The following RASSF4 variants were observed in gnomAD, a reference collection of about 807,000 sequenced individuals.
The protein encoded by RASSF4 is Ras association domain family member 4, also known as ras association domain-containing protein 4.
Under a neutral mutation model 41.1 loss-of-function variants are expected in RASSF4, and 38 were observed. The observed-to-expected ratio is 0.92, with a 90% CI of 0.71 to 1.21. The LOEUF (loss-of-function observed/expected upper bound fraction) is 1.21, where lower values mean the gene tolerates loss of function less well. Among genes scored for constraint, RASSF4 ranks in the 50% most tolerant of loss-of-function variants. The pLI is 0.00. For synonymous variants in RASSF4, 179 were observed against 163.4 expected (o/e 1.10, Z -0.73); for missense variants, 414 against 419.4 (o/e 0.99, Z 0.11).
chr10:44,977,415 G>C (rs1435975599), intron 3 of RASSF4: 1 of 1,593,294 alleles, frequency 6.3e-7, no homozygotes, highest in Non-Finnish European at 8.6e-7. Context: ...ATCACCGGGA[G>C]GTGCGAGTAG....
intron 1 of RASSF4, among the ~76,000 whole-genome samples, chr10:44,965,866 C>G (rs1840883296): frequency 6.6e-6 from 1 of 152,212 alleles, no homozygotes; most frequent in South Asian, 2.1e-4. Context: ...GAGCAGGTGC[C>G]CCCAGCTGGT....
At chr10:44,988,061 T>G (rs545127047) in intron 6 of RASSF4, among the ~76,000 whole-genome samples, 11 of 152,242 alleles carry the variant, frequency 7.2e-5, no homozygotes, top group Non-Finnish European at 7.4e-5. Context: ...AATATGCGAA[T>G]CTAAACTTGA....
intron 6 of RASSF4, among the ~76,000 whole-genome samples, chr10:44,986,286 A>G (rs1841919140): frequency 6.6e-6 from 1 of 152,190 alleles, no homozygotes; most frequent in Non-Finnish European, 1.5e-5. Flanking sequence ...ATTCATCACT[A>G]AGAGGTGTGT....
intron 2 of RASSF4, 93 bp downstream of exon 2, chr10:44,970,357 T>G: frequency 9.7e-7 from 1 of 1,030,342 alleles, no homozygotes; most frequent in Non-Finnish European, 1.5e-6. Flanking sequence ...TTCTGAGCAC[T>G]TGTTCAGAGA....
intron 1 of RASSF4, among the ~76,000 whole-genome samples, chr10:44,964,417 A>T (rs1840823950): frequency 6.6e-6 from 1 of 152,216 alleles, no homozygotes; most frequent in African/African-American, 2.4e-5. Context: ...GTACTTTCCC[A>T]GCAGAATGGC....
rs542463086 is a variant in RASSF4, at chr10:44,983,884, T to C, written c.282-138T>C. 58 of 1,450,614 alleles carry C rather than the reference T, an allele frequency of 4.0e-5. No individual in the cohort carries two copies. The South Asian group carries it at 6.9e-4, about 17-fold the overall frequency. The allele number at this position is 1,450,614 out of a possible 1,614,324, so 89.9% of individuals were successfully genotyped here. ...TATTGTTTCAGACTGACTCTCTTGGTTTGAAATCCAGGCCTCACCTCAGCC... is the reference window on the plus strand; with the variant it reads ...TATTGTTTCAGACTGACTCTCTTGGCTTGAAATCCAGGCCTCACCTCAGCC... On this transcript the variant is annotated intron_variant, in intron 4 of 10. Coordinates refer to ENST00000340258, the MANE Select transcript of RASSF4 (RefSeq NM_032023.4).
intron 3 of RASSF4, chr10:44,977,643 C>T: frequency 5.0e-6 from 8 of 1,613,032 alleles, no homozygotes; most frequent in Non-Finnish European, 6.8e-6. Context: ...CAGAGGCCAG[C>T]AGAGGGGCCA....
chr10:44,984,407 C>A lies in RASSF4; in HGVS notation c.373+294C>A, dbSNP rs74586571. On this transcript the variant is annotated intron_variant, in intron 5 of 10. Transcript: ENST00000340258. ...ACAGGAGCATCCACAGAAGGCACTGCGCTCTCCTGGCCCCTCACCTCCCTC... is the reference window on the plus strand; with the variant it reads ...ACAGGAGCATCCACAGAAGGCACTGAGCTCTCCTGGCCCCTCACCTCCCTC... 3 of 508,110 alleles carry A rather than the reference C, an allele frequency of 5.9e-6. No individual in the cohort carries two copies. The South Asian group carries it at 8.4e-5, about 14-fold the overall frequency. The allele number at this position is 508,110 out of a possible 1,614,324, so 31.5% of individuals were successfully genotyped here.
At chr10:44,975,369 GC>G (rs1483435092) in intron 3 of RASSF4, among the ~76,000 whole-genome samples, 1 of 151,874 alleles carries the variant, frequency 6.6e-6, no homozygotes, top group Non-Finnish European at 1.5e-5. Flanking sequence ...GCGCTTCCCA[GC>G]CTGCCCGCTC....
intron 1 of RASSF4, among the ~76,000 whole-genome samples, chr10:44,966,758 G>A (rs567573987): frequency 4.6e-5 from 7 of 152,274 alleles, no homozygotes; most frequent in South Asian, 4.1e-4. Flanking sequence ...AACCTAGGTC[G>A]AATCCAGCAC....
At position 44,984,988 on chromosome 10, in the gene RASSF4, C is replaced by A; in HGVS notation, c.531+18C>A. The A allele has an allele frequency of 6.2e-7, 1 of 1,603,482 alleles. No individual in the cohort carries two copies. The highest frequency in any genetic ancestry group is 8.5e-7 in the Non-Finnish European group (1 of 1,176,842). On this transcript the variant is annotated intron_variant, in intron 6 of 10. Coordinates refer to ENST00000340258, the MANE Select transcript of RASSF4 (RefSeq NM_032023.4). ...ATCATAAGGTGATGCCCCAGCCTGG[C>A]CTCTCCCCTGGGCGCATGGGGAGCC...
Position 44,989,336 on chromosome 10 carries a change from A to G in RASSF4, c.594A>G (p.Thr198=). ...ATGTGAGGGTCAACAGCACCATGAC[A>G]ACCCTGCAGGTGCTCACCCTGCTGC... ...VTNVRVNSTM[T]TLQVLTLLLN... Residue 198 remains threonine (T), a synonymous_variant, in exon 7 of 11, where the codon ACA becomes ACG. Transcript: ENST00000340258. 1 of 1,613,980 alleles carries G rather than the reference A, an allele frequency of 6.2e-7. No homozygotes were observed. The highest frequency in any genetic ancestry group is 8.5e-7 in the Non-Finnish European group (1 of 1,179,816).
In RASSF4 at chr10:44,971,769, T is replaced by C; in HGVS notation, c.63-4T>C. 1 of 1,613,494 alleles carries C rather than the reference T, an allele frequency of 6.2e-7. No homozygotes were observed. The highest frequency in any genetic ancestry group is 8.5e-7 in the Non-Finnish European group (1 of 1,179,442). On this transcript the variant is annotated splice_polypyrimidine_tract_variant and splice_region_variant and intron_variant, in intron 2 of 10. Transcript: ENST00000340258. ...GGAGTACATGTGTGTCTTTCCCTTT[T>C]TAGGTCGGAGCTCTTAGGCCTGCTG...
At chr10:44,989,499 C>T (rs887803263) in intron 7 of RASSF4, 124 bp downstream of exon 7, 2 of 940,242 alleles carry the variant, frequency 2.1e-6, no homozygotes, top group Non-Finnish European at 3.4e-6. Flanking sequence ...AGCAAGGGTC[C>T]CTCTGCTGAG....
intron 3 of RASSF4, chr10:44,978,199 G>T: frequency 1.6e-6 from 1 of 629,300 alleles, no homozygotes; most frequent in Non-Finnish European, 2.6e-6. Flanking sequence ...CCAGAGCTCC[G>T]ACTGCTGGGA....
At chr10:44,986,747 AAAAT>A (rs571931343) in intron 6 of RASSF4, among the ~76,000 whole-genome samples, 51 of 152,370 alleles carry the variant, frequency 3.3e-4, no homozygotes, top group African/African-American at 1.2e-3. Context: ...AACAATTGAA[AAAAT>A]AAATAATTCC....
At position 44,984,009 on chromosome 10, in the gene RASSF4, T is replaced by C. The variant is rs1191877833; in HGVS notation, c.282-13T>C. On this transcript the variant is annotated splice_polypyrimidine_tract_variant and intron_variant, in intron 4 of 10. Transcript: ENST00000340258. ...CCGGCAGCCATCTCAGCCCTGCAGT[T>C]GTCTGTTTTCAGAAAGGAGCCATCG... 1.9e-6 allele frequency: 3 copies of C among 1,586,910 alleles called. No homozygotes were observed. The South Asian group carries it at 3.5e-5, about 18-fold the overall frequency.
At chr10:44,985,356 G>A (rs1001832261) in intron 6 of RASSF4, among the ~76,000 whole-genome samples, 3 of 152,252 alleles carry the variant, frequency 2.0e-5, no homozygotes, top group Non-Finnish European at 4.4e-5. Flanking sequence ...CAGGGCACAT[G>A]TGTCTGTGCC....
intron 1 of RASSF4, among the ~76,000 whole-genome samples, chr10:44,964,938 G>A (rs922241813): frequency 4.6e-5 from 7 of 152,248 alleles, no homozygotes; most frequent in African/African-American, 1.7e-4. Context: ...GAGATCTGCA[G>A]TGGAATTCTG....
Sources: gnomAD v4.1 joint callset for allele counts (sites outside exome capture counted in the v4.1 genomes callset) on GRCh38, gnomAD v4.1.1 for gene constraint, MANE v1.5 for transcripts, NCBI Gene and HGNC (gene_info 2026-07-23, HGNC 2026-07-21) for gene names.